The following PTPRD variants were observed in gnomAD, a reference collection of about 807,000 sequenced individuals.
The protein encoded by PTPRD is receptor-type tyrosine-protein phosphatase delta.
A neutral mutation model predicts 214.5 loss-of-function variants in PTPRD; 34 were observed. The ratio of observed to expected loss-of-function variants is 0.16; its 90% CI spans 0.12 to 0.21. The LOEUF (loss-of-function observed/expected upper bound fraction) is 0.21. Ranked by LOEUF, PTPRD falls within the 10% of genes least tolerant of loss-of-function variation. The probability of loss-of-function intolerance (pLI) is 1.00; values close to 1 mark genes in which losing one functional copy is unlikely to be tolerated. For missense variants in PTPRD, 2,545 were observed against 2,398.7 expected (o/e 1.06, Z -1.27); for synonymous variants, 1,128 against 845.7 (o/e 1.33, Z -5.79).
chr9:10,414,941 G>A (rs147379090), intron 2 of PTPRD, among the ~76,000 whole-genome samples: 72 of 151,572 alleles, frequency 4.8e-4, no homozygotes, highest in African/African-American at 1.5e-3. Context: ...GGTGAAGGAT[G>A]GGAAGAAAGA....
chr9:10,205,326 G>C (rs2099465164), intron 3 of PTPRD, among the ~76,000 whole-genome samples: 1 of 151,306 alleles, frequency 6.6e-6, no homozygotes, highest in South Asian at 2.1e-4. Context: ...ATTTAATAAA[G>C]TTGTGAAAGA....
chr9:9,779,919 A>G (rs2181714), intron 5 of PTPRD, among the ~76,000 whole-genome samples: 69,381 of 151,982 alleles, frequency 0.46, 16,280 homozygotes, highest in East Asian at 0.7. Flanking sequence ...TATACCCCAA[A>G]GAAAATAGGT....
intron 11 of PTPRD, among the ~76,000 whole-genome samples, chr9:8,888,090 T>A (rs1258494384): frequency 6.6e-6 from 1 of 152,174 alleles, no homozygotes; most frequent in East Asian, 1.9e-4. Flanking sequence ...AACAGAATAA[T>A]CAAGTGGTAT....
At chr9:9,006,577 T>A (rs958820175) in intron 11 of PTPRD, among the ~76,000 whole-genome samples, 1 of 152,040 alleles carries the variant, frequency 6.6e-6, no homozygotes, top group Non-Finnish European at 1.5e-5. Context: ...ATTACCATAT[T>A]TATTCACATA....
intron 5 of PTPRD, among the ~76,000 whole-genome samples, chr9:9,912,056 G>C (rs1017794346): frequency 3.3e-5 from 5 of 152,040 alleles, no homozygotes; most frequent in Non-Finnish European, 7.4e-5. Context: ...ATAATCTACA[G>C]CCTTGCTGAT....
chr9:10,369,000 G>GTT (rs1217378307), intron 2 of PTPRD, among the ~76,000 whole-genome samples: 2 of 151,534 alleles, frequency 1.3e-5, no homozygotes, highest in Non-Finnish European at 1.5e-5. Context: ...GGGAATATGT[G>GTT]TTTTTTTTAA....
intron 7 of PTPRD, among the ~76,000 whole-genome samples, chr9:9,678,420 C>A (rs1051225549): frequency 3.9e-4 from 60 of 151,972 alleles, no homozygotes; most frequent in African/African-American, 1.4e-3. Flanking sequence ...TGCCGCATAT[C>A]TACAACCATC....
chr9:9,407,485 A>G (rs2073921192), intron 8 of PTPRD, among the ~76,000 whole-genome samples: 1 of 151,838 alleles, frequency 6.6e-6, no homozygotes, highest in Non-Finnish European at 1.5e-5. Flanking sequence ...CAGATTTATC[A>G]AAATAAAAGT....
intron 7 of PTPRD, among the ~76,000 whole-genome samples, chr9:9,587,486 T>C (rs1462846374): frequency 1.3e-5 from 2 of 152,046 alleles, no homozygotes; most frequent in South Asian, 2.1e-4. Flanking sequence ...GAACTATTAA[T>C]AGGTAATTTA....
At chr9:9,597,152 C>G (rs2154334419) in intron 7 of PTPRD, among the ~76,000 whole-genome samples, 1 of 152,020 alleles carries the variant, frequency 6.6e-6, no homozygotes, top group East Asian at 1.9e-4. Flanking sequence ...ACTGTGGAAG[C>G]AGGCTGAGGG....
intron 5 of PTPRD, among the ~76,000 whole-genome samples, chr9:9,779,137 G>A (rs931845438): frequency 3.5e-5 from 4 of 115,298 alleles, no homozygotes; most frequent in African/African-American, 1.3e-4. Context: ...TTCAATAAAT[G>A]ATACTGCTAG....
rs1187703316 is a variant in PTPRD, at chr9:8,404,566, T to A, written c.4181A>T (p.His1394Leu). The change falls in exon 36 of 46, where the codon CAT becomes CTT. Residue 1394 changes from histidine to leucine, a missense_variant. Transcript: ENST00000381196. Reference protein sequence around the residue: ...NRYANVIAYDHSRVLLSAIEG... With the variant: ...NRYANVIAYDLSRVLLSAIEG... ...TATAGCTGATAGGAGAACCCGGGAATGATCATATGCGATTACATTCGCGTA... is the reference window on the plus strand; with the variant it reads ...TATAGCTGATAGGAGAACCCGGGAAAGATCATATGCGATTACATTCGCGTA... The A allele has an allele frequency of 6.2e-7, 1 of 1,613,230 alleles. No individual in the cohort carries two copies. Among genetic ancestry groups the A allele is most frequent in the Admixed American group, 1.7e-5 (1 of 60,020 alleles).
intron 3 of PTPRD, among the ~76,000 whole-genome samples, chr9:10,222,168 T>A (rs1480602300): frequency 6.6e-6 from 1 of 152,078 alleles, no homozygotes; most frequent in Non-Finnish European, 1.5e-5. Context: ...AATATATTTG[T>A]ATAAAATTAT....
chr9:10,354,559 C>G (rs1304590791), intron 2 of PTPRD, among the ~76,000 whole-genome samples: 1 of 152,084 alleles, frequency 6.6e-6, no homozygotes, highest in Non-Finnish European at 1.5e-5. Flanking sequence ...TCCTTAAGTT[C>G]TTTGACTCTC....
At chr9:8,971,293 G>T (rs2099236650) in intron 11 of PTPRD, among the ~76,000 whole-genome samples, 1 of 151,512 alleles carries the variant, frequency 6.6e-6, no homozygotes. Flanking sequence ...AGCTGGCCAA[G>T]ATATAGACAC....
intron 2 of PTPRD, among the ~76,000 whole-genome samples, chr9:10,583,729 C>T (rs533911292): frequency 1.4e-4 from 21 of 152,082 alleles, no homozygotes; most frequent in African/African-American, 4.6e-4. Flanking sequence ...GCGCCTGCCT[C>T]GGCCTCCCAA....
intron 8 of PTPRD, among the ~76,000 whole-genome samples, chr9:9,412,600 G>T (rs560984490): frequency 6.6e-6 from 1 of 152,216 alleles, no homozygotes; most frequent in Admixed American, 6.5e-5. Flanking sequence ...ACTACGCGAA[G>T]GGGTTTAGAC....
At chr9:9,187,869 A>G (rs1471405289) in intron 9 of PTPRD, among the ~76,000 whole-genome samples, 9 of 151,912 alleles carry the variant, frequency 5.9e-5, no homozygotes, top group Non-Finnish European at 1.2e-4. Flanking sequence ...AACAAGCAGG[A>G]CTTCTTGGAA....
chr9:9,461,858 C>A (rs895203676), intron 8 of PTPRD, among the ~76,000 whole-genome samples: 4 of 152,128 alleles, frequency 2.6e-5, no homozygotes, highest in Admixed American at 6.6e-5. Context: ...GTTCTCCTCA[C>A]GGATGACTTC....
Sources: gnomAD v4.1 joint callset for allele counts (sites outside exome capture counted in the v4.1 genomes callset) on GRCh38, gnomAD v4.1.1 for gene constraint, MANE v1.5 for transcripts, NCBI Gene and HGNC (gene_info 2026-07-23, HGNC 2026-07-21) for gene names.